RIPOR3: variants seen among roughly 807,000 people sequenced by gnomAD.
RIPOR3 encodes family with sequence similarity 65 member C.
A neutral mutation model predicts 114.3 loss-of-function variants in RIPOR3; 95 were observed. The observed-to-expected ratio is 0.83, with a 90% confidence interval of 0.70 to 0.99. The LOEUF is 0.99. RIPOR3 is among the 50% of genes least tolerant of loss of function. The pLI is 0.00. For missense variants in RIPOR3, 1,252 were observed against 1,266.9 expected (o/e 0.99, Z 0.18); for synonymous variants, 575 against 543.8 (o/e 1.06, Z -0.80).
chr20:50,643,581 T>C (rs2085282381), intron 1 of RIPOR3, among the ~76,000 whole-genome samples: 1 of 151,990 alleles, frequency 6.6e-6, no homozygotes, highest in Admixed American at 6.5e-5. Context: ...CCTGAGGCTA[T>C]GTCTTGGGTC....
intron 21 of RIPOR3, 34 bp from the exon 22 acceptor site, chr20:50,587,366 A>C: frequency 6.3e-7 from 1 of 1,591,414 alleles, no homozygotes; most frequent in Non-Finnish European, 8.6e-7. Flanking sequence ...AGCGGGTTGG[A>C]TCCTGCCTTG....
chr20:50,622,732 C>A (rs1050377092), intron 2 of RIPOR3, among the ~76,000 whole-genome samples: 10 of 152,116 alleles, frequency 6.6e-5, no homozygotes, highest in African/African-American at 2.4e-4. Context: ...CAAGTAAGCA[C>A]CTGCATTTTG....
intron 1 of RIPOR3, among the ~76,000 whole-genome samples, chr20:50,637,473 A>G (rs2085027989): frequency 6.6e-6 from 1 of 151,720 alleles, no homozygotes; most frequent in South Asian, 2.1e-4. Context: ...CCTTCAAATA[A>G]CTCATGGTTC....
intron 1 of RIPOR3, among the ~76,000 whole-genome samples, chr20:50,643,118 T>C (rs1462602674): frequency 1.4e-5 from 2 of 139,582 alleles, no homozygotes; most frequent in Non-Finnish European, 3.0e-5. Flanking sequence ...GCCTGTAATC[T>C]CAGCACTTTT....
At chr20:50,639,568 C>CT (rs201169594) in intron 1 of RIPOR3, among the ~76,000 whole-genome samples, 3 of 152,248 alleles carry the variant, frequency 2.0e-5, no homozygotes, top group South Asian at 2.1e-4. Context: ...AATGACTCAC[C>CT]AAAACGCCTG....
chr20:50,679,149 T>C (rs1282631975), intron 1 of RIPOR3, among the ~76,000 whole-genome samples: 2 of 99,730 alleles, frequency 2.0e-5, no homozygotes, highest in African/African-American at 8.1e-5. Context: ...TATATATATA[T>C]ACACACACAC....
chr20:50,608,321 A>G, intron 11 of RIPOR3, 68 bp downstream of exon 11: 1 of 1,599,580 alleles, frequency 6.3e-7, no homozygotes, highest in Non-Finnish European at 8.5e-7. Flanking sequence ...ACCCAGGGCC[A>G]GAGTGTGGCC....
intron 6 of RIPOR3, among the ~76,000 whole-genome samples, chr20:50,610,155 C>A (rs1568855423): frequency 6.7e-6 from 1 of 148,872 alleles, no homozygotes; most frequent in African/African-American, 2.5e-5. Context: ...TCACCTGCCA[C>A]CCCTGCCAAC....
At position 50,616,179 on chromosome 20, in the gene RIPOR3, G is replaced by A. The variant is rs934798443; in HGVS notation, c.270-99C>T. 8.3e-5 allele frequency: 93 copies of A among 1,120,086 alleles called. No homozygotes were observed. The African/African-American group carries it at 1.0e-3, about 12-fold the overall frequency. 69.4% of individuals were successfully genotyped at this position (1,120,086 alleles called of 1,614,324 possible). ...ATGTCCCCACGTGGAGAGCAGACAC[G>A]GGGCTCAGCGGGGCTCAGAGGCAGG... is the stretch of plus-strand genomic sequence containing the variant. On this transcript the variant is annotated intron_variant, in intron 3 of 21. Transcript: ENST00000327979.
intron 1 of RIPOR3, among the ~76,000 whole-genome samples, chr20:50,639,659 G>A (rs368431094): frequency 1.0e-3 from 153 of 152,350 alleles, no homozygotes; most frequent in African/African-American, 3.4e-3. Context: ...CTTGAGCCCA[G>A]GAAGTTTGAG....
chr20:50,682,764 A>G (rs1451452792), intron 1 of RIPOR3, among the ~76,000 whole-genome samples: 1 of 149,840 alleles, frequency 6.7e-6, no homozygotes, highest in African/African-American at 2.5e-5. Context: ...TTTCGCACTC[A>G]TCGCCCAGGC....
At chr20:50,621,458 C>T (rs1397479107) in intron 2 of RIPOR3, among the ~76,000 whole-genome samples, 3 of 152,064 alleles carry the variant, frequency 2.0e-5, no homozygotes, top group Non-Finnish European at 4.4e-5. Flanking sequence ...CACACATGCA[C>T]ACGGGATTGT....
At chr20:50,654,335 T>C (rs905902672) in intron 1 of RIPOR3, among the ~76,000 whole-genome samples, 1 of 151,484 alleles carries the variant, frequency 6.6e-6, no homozygotes, top group African/African-American at 2.4e-5. Context: ...CCCAACTAAT[T>C]TTTGTATTTT....
chr20:50,604,526 C>T (rs1324682207), intron 12 of RIPOR3, 119 bp downstream of exon 12: 38 of 1,402,682 alleles, frequency 2.7e-5, no homozygotes, highest in Admixed American at 7.9e-5. Flanking sequence ...TCGCCTCAAA[C>T]GGAAGCTGAG....
chr20:50,646,421 T>A (rs1443909422), intron 1 of RIPOR3, among the ~76,000 whole-genome samples: 1 of 152,172 alleles, frequency 6.6e-6, no homozygotes, highest in Non-Finnish European at 1.5e-5. Flanking sequence ...TGGGAGCCAC[T>A]GTGCGTGGCC....
At position 50,608,606 on chromosome 20, in the gene RIPOR3, T is replaced by A; in HGVS notation, c.810+7A>T. On this transcript the variant is annotated splice_region_variant and intron_variant, in intron 10 of 21. Coordinates refer to ENST00000327979, the MANE Select transcript of RIPOR3 (RefSeq NM_001290268.2). ...ACCCCAGCCCTGCCCCCGGGCCCCATCCCCACCTTGATGTCCAGGTTCTCA... is the reference window on the plus strand; with the variant it reads ...ACCCCAGCCCTGCCCCCGGGCCCCAACCCCACCTTGATGTCCAGGTTCTCA... 2 of 1,613,848 alleles carry A rather than the reference T, an allele frequency of 1.2e-6. No individual in the cohort carries two copies. Among genetic ancestry groups the A allele is most frequent in the Non-Finnish European group, 1.7e-6 (2 of 1,179,824 alleles).
chr20:50,609,758 G>A (rs1278730268), intron 6 of RIPOR3, 36 bp from the exon 7 acceptor site: 17 of 1,354,054 alleles, frequency 1.3e-5, no homozygotes, highest in African/African-American at 6.1e-5. Context: ...CGCTGCCCAC[G>A]CGGAGGGGCG....
intron 4 of RIPOR3, among the ~76,000 whole-genome samples, chr20:50,615,355 A>C (rs1345510053): frequency 1.3e-5 from 2 of 151,248 alleles, no homozygotes; most frequent in Non-Finnish European, 3.0e-5. Flanking sequence ...GAGACCCTGT[A>C]TCTACAAAAA....
At position 50,598,732 on chromosome 20, in the gene RIPOR3, G is replaced by T. The variant is rs61278689; in HGVS notation, c.1660-1022C>A. Among the ~76,000 whole-genome samples the T allele has an allele frequency of 8.5e-3, 1,294 of 151,568 alleles. 28 individuals carry two copies. The highest frequency in any genetic ancestry group is 0.028 in the African/African-American group (1,143 of 41,282). ...CCAGCCTGGCCAACATGATGAAACTGCATCTCTACTAAAAATACAAAAATT... is the reference window on the plus strand; with the variant it reads ...CCAGCCTGGCCAACATGATGAAACTTCATCTCTACTAAAAATACAAAAATT... On this transcript the variant is annotated intron_variant, in intron 13 of 21. Transcript: ENST00000327979.
Sources: gnomAD v4.1 joint callset for allele counts (sites outside exome capture counted in the v4.1 genomes callset) on GRCh38, gnomAD v4.1.1 for gene constraint, MANE v1.5 for transcripts, NCBI Gene and HGNC (gene_info 2026-07-23, HGNC 2026-07-21) for gene names.